BAD: variants seen among roughly 807,000 people sequenced by gnomAD.
The protein encoded by BAD is BCL2 associated agonist of cell death.
BAD carries 18 observed loss-of-function variants against 17.8 expected under a neutral mutation model. The observed-to-expected ratio is 1.01, with a 90% CI of 0.70 to 1.50. The LOEUF is 1.50. Ranked by LOEUF, BAD falls within the 40% of genes most tolerant of loss-of-function variation. BAD has a pLI of 0.00. For synonymous variants in BAD, 112 were observed against 91.5 expected (o/e 1.22, Z -1.28); for missense variants, 294 against 239.3 (o/e 1.23, Z -1.51).
intron 2 of BAD, among the ~76,000 whole-genome samples, chr11:64,279,274 C>T (rs1228503900): frequency 2.6e-5 from 4 of 151,980 alleles, no homozygotes; most frequent in Admixed American, 6.6e-5. Flanking sequence ...CCAACTCCAA[C>T]GATGCTGCGG....
intron 2 of BAD, among the ~76,000 whole-genome samples, chr11:64,273,205 T>C (rs887028701): frequency 6.4e-4 from 97 of 152,222 alleles, no homozygotes; most frequent in African/African-American, 2.3e-3. Context: ...AAACTCCGTC[T>C]CTACTAAAAA....
rs1453341601 is a variant in BAD at position 64,269,848 on chromosome 11, TTTA to T, written c.*358_*360del. On this transcript the variant is annotated 3_prime_UTR_variant, in exon 4 of 4. Coordinates refer to ENST00000309032, the MANE Select transcript of BAD (RefSeq NM_032989.3). ...AAGCCTCGGCGGCACAGACGCGGGC[TTTA>T]TTAACATTTGGTAGTGAGCACGGCC... 7.2e-6 allele frequency: 5 copies of T among 695,596 alleles called. No homozygotes were observed. The highest frequency in any genetic ancestry group is 5.3e-5 in the African/African-American group (3 of 57,032). 43.1% of individuals were successfully genotyped at this position (695,596 alleles called of 1,614,324 possible).
intron 2 of BAD, among the ~76,000 whole-genome samples, chr11:64,283,075 A>T (rs1267831083): frequency 6.6e-6 from 1 of 152,040 alleles, no homozygotes; most frequent in Non-Finnish European, 1.5e-5. Context: ...AAACAAACAG[A>T]AAAAAAGAAA....
In BAD at chr11:64,271,796, C is replaced by T. The variant is rs2032643424; in HGVS notation, c.195G>A (p.Gly65=). The T allele has an allele frequency of 5.7e-6, 8 of 1,404,018 alleles. No homozygotes were observed. The highest frequency in any genetic ancestry group is 7.4e-6 in the Non-Finnish European group (8 of 1,077,260). The allele number at this position is 1,404,018 out of a possible 1,614,324, so 87.0% of individuals were successfully genotyped here. A position where few individuals can be genotyped will look rare whatever the true frequency, so the allele number is the denominator to read the frequency against. Residue 65 remains glycine, a synonymous_variant, in exon 3 of 4, where the codon GGG becomes GGA. Coordinates refer to ENST00000309032, the MANE Select transcript of BAD (RefSeq NM_032989.3). ...TGTGGCGACTCCGGATCTCCACAGC[C>T]CCAGCGCCTGCAGAGGGTCAGTGGG... The part of the protein sequence containing the change: ...PTSSSHHGGA[G]AVEIRSRHSS...
intron 2 of BAD, among the ~76,000 whole-genome samples, chr11:64,273,202 G>A (rs1026944820): frequency 6.6e-6 from 1 of 151,988 alleles, no homozygotes; most frequent in Non-Finnish European, 1.5e-5. Context: ...GTGAAACTCC[G>A]TCTCTACTAA....
At chr11:64,279,936 C>T (rs1288858745) in intron 2 of BAD, among the ~76,000 whole-genome samples, 1 of 151,972 alleles carries the variant, frequency 6.6e-6, no homozygotes, top group Non-Finnish European at 1.5e-5. Context: ...GTAATCCCAG[C>T]ACTTTGTGAG....
chr11:64,282,112 C>T (rs1714942688), intron 2 of BAD, among the ~76,000 whole-genome samples: 1 of 152,182 alleles, frequency 6.6e-6, no homozygotes, highest in Admixed American at 6.6e-5. Context: ...CACCAGCTCA[C>T]TAGAAGGTAA....
intron 2 of BAD, among the ~76,000 whole-genome samples, chr11:64,274,996 A>G (rs2032950563): frequency 6.7e-6 from 1 of 148,270 alleles, no homozygotes; most frequent in Non-Finnish European, 1.5e-5. Context: ...TTGTCTCAAA[A>G]AAAAAAAAAA....
Position 64,271,816 on chromosome 11 carries a change from AGTG to A in BAD, c.188-16_188-14del. On this transcript the variant is annotated splice_polypyrimidine_tract_variant and intron_variant, in intron 2 of 3. Coordinates refer to ENST00000309032, the MANE Select transcript of BAD (RefSeq NM_032989.3). ...ACAGCCCCAGCGCCTGCAGAGGGTCAGTGGGTAGGGGGGCGACGTTAATCTCAG... is the reference window on the plus strand; with the variant it reads ...ACAGCCCCAGCGCCTGCAGAGGGTCAGGTAGGGGGGCGACGTTAATCTCAG... 1 of 1,389,044 alleles carries A rather than the reference AGTG, an allele frequency of 7.2e-7. No individual in the cohort carries two copies. The highest frequency in any genetic ancestry group is 9.3e-7 in the Non-Finnish European group (1 of 1,070,462). The allele number at this position is 1,389,044 out of a possible 1,614,324, so 86.0% of individuals were successfully genotyped here.
At chr11:64,272,868 AG>A in intron 2 of BAD, 1 of 152,204 alleles carries the variant, frequency 6.6e-6, no homozygotes, top group Non-Finnish European at 1.5e-5. Context: ...CACCTTTATG[AG>A]GGGATAATCC....
chr11:64,280,114 G>A (rs369730302), intron 2 of BAD, among the ~76,000 whole-genome samples: 63 of 151,376 alleles, frequency 4.2e-4, no homozygotes, highest in Middle Eastern at 3.4e-3. Flanking sequence ...TCAGGAGATC[G>A]AGACCATCCT....
In BAD at chr11:64,271,664, G is replaced by A. The variant is rs2286616; in HGVS notation, c.327C>T (p.Arg109=). 2.3e-3 allele frequency: 3,513 copies of A among 1,508,560 alleles called. 54 individuals carry two copies. The South Asian group carries it at 0.024, about 10-fold the overall frequency. The allele number at this position is 1,508,560 out of a possible 1,614,324, so 93.4% of individuals were successfully genotyped here. ...SAPPNLWAAQ[R]YGRELRRMSD... is the part of the protein sequence containing the mutation. The stretch of plus-strand genomic sequence containing the variant: ...TCATCCTCCGGAGCTCGCGGCCATA[G>A]CGCTGTGCTGCCCAGAGGTTGGGGG... The change falls in exon 3 of 4, where the codon CGC becomes CGT. Residue 109 remains arginine (R), a synonymous_variant. Transcript: ENST00000309032.
At chr11:64,276,751 A>C in intron 2 of BAD, 1 of 580,516 alleles carries the variant, frequency 1.7e-6, no homozygotes, top group Non-Finnish European at 3.1e-6. Context: ...TCTCTGGGGA[A>C]GGGAAGGGGT....
chr11:64,274,188 C>T (rs932574652), intron 2 of BAD, among the ~76,000 whole-genome samples: 2 of 150,618 alleles, frequency 1.3e-5, no homozygotes, highest in African/African-American at 2.4e-5. Flanking sequence ...GTCAGGAGAT[C>T]GAGACCATCC....
At position 64,270,261 on chromosome 11, in the gene BAD, T is replaced by G. The variant is rs370905266; in HGVS notation, c.455A>C (p.Gln152Pro). 1.3e-6 allele frequency: 2 copies of G among 1,596,676 alleles called. No individual in the cohort carries two copies. Among genetic ancestry groups the G allele is most frequent in the African/African-American group, 2.7e-5 (2 of 74,662 alleles). Residue 152 changes from glutamine to proline, a missense_variant, in exon 4 of 4, where the codon CAG becomes CCG. Coordinates refer to ENST00000309032, the MANE Select transcript of BAD (RefSeq NM_032989.3). ...GCCCAAGTTCCGATCCCACCAGGAC[T>G]GGAAGACTCGCGTCCAGCTGGAGCT... ...RQSSSWTRVF[Q>P]SWWDRNLGRG...
rs1269115774 is a variant in BAD, at chr11:64,269,909, A to G, written c.*300T>C. 1.4e-6 allele frequency: 1 copy of G among 702,284 alleles called. No homozygotes were observed. The highest frequency in any genetic ancestry group is 1.7e-5 in the African/African-American group (1 of 57,182). 43.5% of individuals were successfully genotyped at this position (702,284 alleles called of 1,614,324 possible). ...CATCGCGGGGGCTCGGGTCCCGGTG[A>G]CGCAACGGTTAAACCTGGCTCGCGA... On this transcript the variant is annotated 3_prime_UTR_variant, in exon 4 of 4. Coordinates refer to ENST00000309032, the MANE Select transcript of BAD (RefSeq NM_032989.3).
rs372512554 is a variant in BAD, at chr11:64,270,198, T to C, written c.*11A>G. ...TGGGAACGGGTGGAGTTTCGGGATGTGGAGCGAAGGTCACTGGGAGGGGGC... is the reference window on the plus strand; with the variant it reads ...TGGGAACGGGTGGAGTTTCGGGATGCGGAGCGAAGGTCACTGGGAGGGGGC... On this transcript the variant is annotated 3_prime_UTR_variant, in exon 4 of 4. Coordinates refer to ENST00000309032, the MANE Select transcript of BAD (RefSeq NM_032989.3). 1.2e-6 allele frequency: 2 copies of C among 1,613,818 alleles called. No homozygotes were observed. The highest frequency in any genetic ancestry group is 1.7e-6 in the Non-Finnish European group (2 of 1,179,932).
Position 64,284,311 on chromosome 11 carries a change from T to C in BAD, c.58A>G (p.Arg20Gly), listed in dbSNP as rs1390390031. Residue 20 changes from arginine to glycine, a missense_variant, in exon 2 of 4, where the codon AGG becomes GGG. Arg to Gly is a moderately radical substitution (Grantham distance 125, BLOSUM62 -2). Transcript: ENST00000309032. ...SEQEDSSSAERGLGPSPAGDG... is the reference protein window; with the variant it reads ...SEQEDSSSAEGGLGPSPAGDG... ...CCTGCGGGGCTGGGGCCCAGGCCCC[T>C]CTCTGCAGAGCTGGAGTCTTCCTGC... is the stretch of plus-strand genomic sequence containing the variant. The C allele has an allele frequency of 1.2e-6, 2 of 1,612,592 alleles. No homozygotes were observed. Among genetic ancestry groups the C allele is most frequent in the East Asian group, 2.2e-5 (1 of 44,866 alleles).
chr11:64,284,106 G>A (rs529674254), intron 2 of BAD, 76 bp downstream of exon 2: 121 of 1,479,700 alleles, frequency 8.2e-5, no homozygotes, highest in Non-Finnish European at 1.8e-5. Context: ...CAGTGCCTGT[G>A]GATGCAACTG....
Sources: allele counts gnomAD v4.1 joint callset (sites outside exome capture counted in the v4.1 genomes callset), GRCh38; gene constraint gnomAD v4.1.1; transcripts MANE v1.5; gene names NCBI Gene and HGNC (gene_info 2026-07-23, HGNC 2026-07-21).